The following ARL2BP variants were observed in gnomAD, a reference collection of about 807,000 sequenced individuals.
ARL2BP encodes ARF like GTPase 2 binding protein.
In ARL2BP, 19 loss-of-function variants were observed where a neutral mutation model predicts 24.2. That is an observed-to-expected ratio of 0.79 (90% CI 0.55 to 1.15). The LOEUF is 1.15. Among genes scored for constraint, ARL2BP ranks in the 50% most tolerant of loss-of-function variants. The pLI is 0.00. For missense variants in ARL2BP, 160 were observed against 190.4 expected, an observed-to-expected ratio of 0.84 and a Z score of 0.94; for synonymous variants, 56 against 70.5, an observed-to-expected ratio of 0.79 and a Z score of 1.03.
At position 57,248,333 on chromosome 16, in the gene ARL2BP, A is replaced by AAAAG. The variant is rs1219014532; in HGVS notation, c.101-192_101-189dup. The AAAAG allele has an allele frequency of 1.7e-3, 403 of 236,588 alleles. 1 individual carries two copies. Among genetic ancestry groups the AAAAG allele is most frequent in the African/African-American group, 9.0e-3 (373 of 41,328 alleles). The allele number at this position is 236,588 out of a possible 1,614,324, so 14.7% of individuals were successfully genotyped here. A position where few individuals can be genotyped will look rare whatever the true frequency, so the allele number is the denominator to read the frequency against. On this transcript the variant is annotated intron_variant, in intron 2 of 5. Coordinates refer to ENST00000219204, the MANE Select transcript of ARL2BP (RefSeq NM_012106.4). ...GCTCAAAAAAAAAAAAAAAAAAAAA[A>AAAAG]AAAGAAAGAAAGAAAAAGAAAACAG...
At chr16:57,248,448 G>A (rs1389184556) in intron 2 of ARL2BP, 89 bp from the exon 3 acceptor site, 1 of 728,046 alleles carries the variant, frequency 1.4e-6, no homozygotes, top group African/African-American at 1.8e-5. Flanking sequence ...TGAGAAAGCA[G>A]TACTGCTGAC....
intron 5 of ARL2BP, 186 bp from the exon 6 acceptor site, chr16:57,251,979 TA>T (rs1377560939): frequency 5.4e-6 from 3 of 556,020 alleles, no homozygotes; most frequent in Non-Finnish European, 9.6e-6. Flanking sequence ...AAAATAATAT[TA>T]AAAAAAATTA....
intron 4 of ARL2BP, chr16:57,250,144 G>A (rs1361308198): frequency 1.5e-5 from 9 of 593,368 alleles, no homozygotes; most frequent in Admixed American, 3.0e-5. Flanking sequence ...AAATAAATTA[G>A]TCAGGTGTGG....
At chr16:57,249,993 C>T (rs2075402466) in intron 4 of ARL2BP, 141 bp downstream of exon 4, 1 of 725,226 alleles carries the variant, frequency 1.4e-6, no homozygotes, top group Non-Finnish European at 2.3e-6. Flanking sequence ...GCCCTCAAAC[C>T]TTTTAATGAA....
intron 3 of ARL2BP, chr16:57,249,261 C>A (rs2075400196): frequency 6.5e-6 from 1 of 153,586 alleles, no homozygotes; most frequent in Admixed American, 6.5e-5. Flanking sequence ...CAGCTCGTCA[C>A]CCTTGGGTCT....
Position 57,248,600 on chromosome 16 carries a change from CAGAAG to C in ARL2BP, c.169_173del (p.Glu57Ter). The stretch of plus-strand genomic sequence containing the variant: ...AAGTACTACCTGGAGTTTGAAGACA[CAGAAG>C]AGAATAAACTCATCTACACACCTAT... On this transcript the variant is annotated frameshift_variant, in exon 3 of 6. Coordinates refer to ENST00000219204, the MANE Select transcript of ARL2BP (RefSeq NM_012106.4). LOFTEE classifies it high-confidence loss of function. 1 of 1,601,018 alleles carries C rather than the reference CAGAAG, an allele frequency of 6.2e-7. No individual in the cohort carries two copies. Among genetic ancestry groups the C allele is most frequent in the Non-Finnish European group, 8.5e-7 (1 of 1,173,918 alleles).
intron 4 of ARL2BP, chr16:57,250,064 G>T: frequency 1.7e-6 from 1 of 603,282 alleles, no homozygotes; most frequent in Non-Finnish European, 2.9e-6. Flanking sequence ...GAGGCCAAGG[G>T]AGGAGGATCA....
intron 4 of ARL2BP, 39 bp from the exon 5 acceptor site, chr16:57,250,372 A>G: frequency 1.3e-6 from 2 of 1,547,018 alleles, no homozygotes; most frequent in Non-Finnish European, 1.8e-6. Context: ...GGACTGTCTC[A>G]TCATTCATTC....
At chr16:57,250,740 G>C in intron 5 of ARL2BP, 1 of 535,290 alleles carries the variant, frequency 1.9e-6, no homozygotes, top group Non-Finnish European at 3.3e-6. Flanking sequence ...AACCGAAAAA[G>C]CAGGTCTCAG....
At position 57,245,266 on chromosome 16, in the gene ARL2BP, T is replaced by C. The variant is rs2075386077; in HGVS notation, c.-102T>C. 7.0e-7 allele frequency: 1 copy of C among 1,421,692 alleles called. No homozygotes were observed. Among genetic ancestry groups the C allele is most frequent in the Non-Finnish European group, 9.6e-7 (1 of 1,042,198 alleles). The allele number at this position is 1,421,692 out of a possible 1,614,324, so 88.1% of individuals were successfully genotyped here. A position where few individuals can be genotyped will look rare whatever the true frequency, so the allele number is the denominator to read the frequency against. ...GCGCTGACCCGACCTGGCAGTGAGC[T>C]GGCCGCGGCCTTGGCTGAGAGGCCT... On this transcript the variant is annotated 5_prime_UTR_variant, in exon 1 of 6. Transcript: ENST00000219204.
chr16:57,246,368 T>G, intron 2 of ARL2BP: 1 of 523,302 alleles, frequency 1.9e-6, no homozygotes, highest in Non-Finnish European at 3.4e-6. Flanking sequence ...TGGAAGGGAC[T>G]GACTCAGGCT....
At chr16:57,248,311 C>CAAAAAAAAAAAAAAAAAAAAA (rs1161528446) in intron 2 of ARL2BP, 82 of 49,068 alleles carry the variant, frequency 1.7e-3, no homozygotes, top group Non-Finnish European at 2.4e-3. Flanking sequence ...AACTCCAGCT[C>CAAAAAAAAAAAAAAAAAAAAA]AAAAAAAAAA....
At chr16:57,250,258 C>A in intron 4 of ARL2BP, 153 bp from the exon 5 acceptor site, 1 of 667,352 alleles carries the variant, frequency 1.5e-6, no homozygotes, top group Admixed American at 2.4e-5. Context: ...CCCCTGCACT[C>A]CTGCCTGGGT....
chr16:57,245,843 A>C lies in ARL2BP; in HGVS notation c.39-237A>C, dbSNP rs899588339. On this transcript the variant is annotated intron_variant, in intron 1 of 5. Transcript: ENST00000219204. ...GGTGATAGCTAAGAGCCTGGAGAAC[A>C]AGTTTTTATTAAAGTGGAGTCATGA... 28 of 576,710 alleles carry C rather than the reference A, an allele frequency of 4.9e-5. No homozygotes were observed. The African/African-American group carries it at 5.1e-4, about 10-fold the overall frequency. 35.7% of individuals were successfully genotyped at this position (576,710 alleles called of 1,614,324 possible). A position where few individuals can be genotyped will look rare whatever the true frequency, so the allele number is the denominator to read the frequency against.
At chr16:57,246,985 A>T (rs965660795) in intron 2 of ARL2BP, among the ~76,000 whole-genome samples, 71 of 152,206 alleles carry the variant, frequency 4.7e-4, no homozygotes, top group African/African-American at 1.6e-3. Context: ...AACAGTCCCC[A>T]GAGGTTTAAG....
intron 2 of ARL2BP, chr16:57,247,550 T>C (rs1392632144): frequency 2.0e-5 from 3 of 152,118 alleles, no homozygotes; most frequent in African/African-American, 4.8e-5. Flanking sequence ...CTATTCCCTA[T>C]CATTTATTAA....
At chr16:57,249,513 C>G (rs2075400871) in intron 3 of ARL2BP, 1 of 504,014 alleles carries the variant, frequency 2.0e-6, no homozygotes, top group South Asian at 2.1e-5. Context: ...CCGTGCTACT[C>G]ACTGTCTCCA....
Position 57,252,256 on chromosome 16 carries a change from C to A in ARL2BP, c.481C>A (p.Leu161Met), listed in dbSNP as rs1405379439. The A allele has an allele frequency of 4.3e-6, 7 of 1,614,096 alleles. No homozygotes were observed. The highest frequency in any genetic ancestry group is 5.1e-6 in the Non-Finnish European group (6 of 1,180,048). Residue 161 changes from leucine (L) to methionine (M), a missense_variant, in exon 6 of 6, where the codon CTG (leucine) becomes ATG (methionine). Coordinates refer to ENST00000219204, the MANE Select transcript of ARL2BP (RefSeq NM_012106.4). ...TTCTCTGCCAGCTTCCCAGAACAAT[C>A]TGCGGCACTAGGTCCTACCTCCAGC... is the stretch of plus-strand genomic sequence containing the variant. ...SSSLPASQNN[L>M]RH is the part of the protein sequence containing the mutation.
Position 57,252,190 on chromosome 16 carries a change from T to TTAAGCAGTGGCTTAG in ARL2BP, c.417_431dup (p.Ser140_Val144dup). On this transcript the variant is annotated inframe_insertion, in exon 6 of 6. Coordinates refer to ENST00000219204, the MANE Select transcript of ARL2BP (RefSeq NM_012106.4). ...GGAAAAAGAAGGCCGAGGACTGGAC[T>TTAAGCAGTGGCTTAG]TAAGCAGTGGCTTAGTGGTGACTTC... 3 of 1,614,190 alleles carry TTAAGCAGTGGCTTAG rather than the reference T, an allele frequency of 1.9e-6. No homozygotes were observed. The highest frequency in any genetic ancestry group is 2.5e-6 in the Non-Finnish European group (3 of 1,180,030).
Sources: gnomAD v4.1 joint callset for allele counts (sites outside exome capture counted in the v4.1 genomes callset) on GRCh38, gnomAD v4.1.1 for gene constraint, MANE v1.5 for transcripts, NCBI Gene and HGNC (gene_info 2026-07-23, HGNC 2026-07-21) for gene names.